ALDH9A1: variants seen among roughly 807,000 people sequenced by gnomAD.
The protein encoded by ALDH9A1 is 4-trimethylaminobutyraldehyde dehydrogenase.
In ALDH9A1, 42 loss-of-function variants were observed where a neutral mutation model predicts 56.6. The observed-to-expected ratio is 0.74, with a 90% CI of 0.58 to 0.96. ALDH9A1 has a LOEUF of 0.96. ALDH9A1 is among the 40% of genes least tolerant of loss of function. ALDH9A1 has a pLI of 0.00. For missense variants in ALDH9A1, 661 were observed against 651.5 expected (o/e 1.01, Z -0.16); for synonymous variants, 242 against 236.0 (o/e 1.03, Z -0.23).
chr1:165,693,011 T>A (rs1194561116), intron 2 of ALDH9A1, among the ~76,000 whole-genome samples: 1 of 151,792 alleles, frequency 6.6e-6, no homozygotes, highest in Non-Finnish European at 1.5e-5. Context: ...TGGCTAGCCA[T>A]ATGTAGAAAG....
chr1:165,678,170 C>A (rs765760016), intron 6 of ALDH9A1, among the ~76,000 whole-genome samples: 2 of 151,934 alleles, frequency 1.3e-5, no homozygotes, highest in Non-Finnish European at 2.9e-5. Context: ...TCTGTCTCTA[C>A]TAAAAATACA....
At chr1:165,686,508 T>G (rs1412330224) in intron 2 of ALDH9A1, among the ~76,000 whole-genome samples, 41 of 45,242 alleles carry the variant, frequency 9.1e-4, no homozygotes, top group Non-Finnish European at 8.7e-4. Context: ...GAAGAAAATG[T>G]TTTTTTTTTT....
chr1:165,666,121 T>C (rs1648999033), intron 9 of ALDH9A1, among the ~76,000 whole-genome samples: 1 of 152,126 alleles, frequency 6.6e-6, no homozygotes, highest in Non-Finnish European at 1.5e-5. Flanking sequence ...TTGAAAACAT[T>C]ATGCTAAGTG....
At chr1:165,698,175 G>A in intron 1 of ALDH9A1, 1 of 1,327,058 alleles carries the variant, frequency 7.5e-7, no homozygotes, top group Non-Finnish European at 9.6e-7. Context: ...CATCAGCTTT[G>A]CTTTTCCTCC....
intron 1 of ALDH9A1, among the ~76,000 whole-genome samples, chr1:165,696,016 T>C (rs184293249): frequency 2.0e-5 from 3 of 151,950 alleles, no homozygotes; most frequent in African/African-American, 7.3e-5. Context: ...CACACACAGC[T>C]AATTTTTGTA....
intron 6 of ALDH9A1, chr1:165,671,860 A>G (rs528808748): frequency 5.3e-6 from 1 of 190,280 alleles, no homozygotes; most frequent in African/African-American, 2.4e-5. Context: ...CAATATCACT[A>G]ATAATCAGGG....
At chr1:165,669,552 C>T in intron 6 of ALDH9A1, 102 bp from the exon 7 acceptor site, 1 of 1,027,968 alleles carries the variant, frequency 9.7e-7, no homozygotes, top group Non-Finnish European at 1.4e-6. Context: ...AAAAGAGACA[C>T]TATACATTTT....
Position 165,673,564 on chromosome 1 carries a change from C to A in ALDH9A1, c.931-4114G>T, listed in dbSNP as rs1477644158. On this transcript the variant is annotated intron_variant, in intron 6 of 10. Coordinates refer to ENST00000354775, the MANE Select transcript of ALDH9A1 (RefSeq NM_000696.4). The stretch of plus-strand genomic sequence containing the variant: ...AGGGACAATACTGAGGAGATCCTCC[C>A]GACCCAAAAGAAATAGACTGCAGCA... 2.0e-5 allele frequency among the ~76,000 whole-genome samples: 3 copies of A among 152,172 alleles called. No individual in the cohort carries two copies. The East Asian group carries it at 5.8e-4, about 29-fold the overall frequency.
At chr1:165,674,014 CACCAAA>C (rs1172715921) in intron 6 of ALDH9A1, among the ~76,000 whole-genome samples, 1 of 152,070 alleles carries the variant, frequency 6.6e-6, no homozygotes, top group African/African-American at 2.4e-5. Context: ...AGCTAAGACC[CACCAAA>C]ACCAAGATGG....
At chr1:165,665,508 T>C (rs994171214) in intron 9 of ALDH9A1, among the ~76,000 whole-genome samples, 6 of 152,134 alleles carry the variant, frequency 3.9e-5, no homozygotes, top group Admixed American at 2.0e-4. Flanking sequence ...CTGAGAACTA[T>C]AAAACTCTTT....
At position 165,694,506 on chromosome 1, in the gene ALDH9A1, CTTT is replaced by C. The variant is rs397862813; in HGVS notation, c.327+743_327+745del. 5.4e-5 allele frequency among the ~76,000 whole-genome samples: 4 copies of C among 73,854 alleles called. No homozygotes were observed. The South Asian group carries it at 3.1e-3, about 57-fold the overall frequency. The allele number at this position is 73,854 out of a possible 152,430, so 48.5% of individuals were successfully genotyped here. On this transcript the variant is annotated intron_variant, in intron 2 of 10. Coordinates refer to ENST00000354775, the MANE Select transcript of ALDH9A1 (RefSeq NM_000696.4). ...TGATGTAAAAAAAAAGTTTAACTCT[CTTT>C]TTTTTAAAGGGAACATCTACAAATC...
At position 165,682,246 on chromosome 1, in the gene ALDH9A1, G is replaced by A. The variant is rs2101748538; in HGVS notation, c.458-5C>T. The A allele has an allele frequency of 1.2e-6, 2 of 1,612,698 alleles. No homozygotes were observed. Among genetic ancestry groups the A allele is most frequent in the South Asian group, 1.1e-5 (1 of 90,998 alleles). On this transcript the variant is annotated splice_region_variant and splice_polypyrimidine_tract_variant and intron_variant, in intron 3 of 10. Transcript: ENST00000354775. The stretch of plus-strand genomic sequence containing the variant: ...CTGGGAGCTGGATGTGTTCACCTAT[G>A]GGGAAAACAGGAGTAAAGGAGGATG...
intron 8 of ALDH9A1, 37 bp from the exon 9 acceptor site, chr1:165,667,487 G>T: frequency 6.2e-7 from 1 of 1,607,834 alleles, no homozygotes; most frequent in South Asian, 1.1e-5. Flanking sequence ...GAGCAGCTGG[G>T]ACCACAGTGT....
chr1:165,698,327 C>T, intron 1 of ALDH9A1, 51 bp downstream of exon 1: 1 of 1,547,156 alleles, frequency 6.5e-7, no homozygotes, highest in East Asian at 2.3e-5. Flanking sequence ...GCCGGGAAAT[C>T]CGCGCATCCG....
At chr1:165,682,937 C>T in intron 3 of ALDH9A1, 44 bp downstream of exon 3, 4 of 1,600,574 alleles carry the variant, frequency 2.5e-6, no homozygotes, top group Non-Finnish European at 3.4e-6. Context: ...CCCTGCTCTT[C>T]TGCCTCATTA....
intron 2 of ALDH9A1, among the ~76,000 whole-genome samples, chr1:165,688,654 G>A (rs578223667): frequency 6.6e-6 from 1 of 152,262 alleles, no homozygotes; most frequent in African/African-American, 2.4e-5. Flanking sequence ...GCTGTAGTGA[G>A]CCATGATTGT....
rs190550121 is a variant in ALDH9A1 at position 165,675,208 on chromosome 1, T to C, written c.930+4234A>G. ...AGACTCCATCTCGAAAAAATAATAA[T>C]AATAAAATAAATTCACATTACGTCA... On this transcript the variant is annotated intron_variant, in intron 6 of 10. Transcript: ENST00000354775. 2.9e-3 allele frequency among the ~76,000 whole-genome samples: 436 copies of C among 151,812 alleles called. 1 individual carries two copies. The highest frequency in any genetic ancestry group is 6.8e-3 in the Middle Eastern group (2 of 294).
chr1:165,697,219 A>C (rs1650117869), intron 1 of ALDH9A1, among the ~76,000 whole-genome samples: 1 of 152,234 alleles, frequency 6.6e-6, no homozygotes, highest in African/African-American at 2.4e-5. Context: ...CACTGGATTA[A>C]AAAGTTTTAT....
At chr1:165,686,605 A>T (rs897287356) in intron 2 of ALDH9A1, among the ~76,000 whole-genome samples, 4 of 152,054 alleles carry the variant, frequency 2.6e-5, no homozygotes, top group African/African-American at 9.7e-5. Flanking sequence ...TAACACCCGG[A>T]TCACAGGGTT....
Sources: gnomAD v4.1 joint callset for allele counts (sites outside exome capture counted in the v4.1 genomes callset) on GRCh38, gnomAD v4.1.1 for gene constraint, MANE v1.5 for transcripts, NCBI Gene and HGNC (gene_info 2026-07-23, HGNC 2026-07-21) for gene names.